THSD4: variants seen among roughly 807,000 people sequenced by gnomAD.
THSD4 encodes the protein thrombospondin type-1 domain-containing protein 4.
In THSD4, 69 loss-of-function variants were observed where a neutral mutation model predicts 119.0. The ratio of observed to expected loss-of-function variants is 0.58; its 90% confidence interval spans 0.48 to 0.71. The LOEUF is 0.71. Among genes scored for constraint, THSD4 ranks in the 30% least tolerant of loss-of-function variants. The probability of loss-of-function intolerance (pLI) is 0.00; values close to 1 mark genes in which losing one functional copy is unlikely to be tolerated. For synonymous variants in THSD4, 524 were observed against 540.4 expected (o/e 0.97, Z 0.42); for missense variants, 1,393 against 1,391.1 (o/e 1.00, Z -0.02).
Position 71,737,962 on chromosome 15 carries a change from T to C in THSD4, c.1861T>C (p.Trp621Arg). The C allele has an allele frequency of 6.2e-7, 1 of 1,613,930 alleles. No homozygotes were observed. The highest frequency in any genetic ancestry group is 8.5e-7 in the Non-Finnish European group (1 of 1,179,876). ...CCCACGGCGCAGCCGGGATCACAAC[T>C]GGAAGCAGCTTGGGACAACAGAATG... ...QPPRRSRDHN[W>R]KQLGTTECST... The change falls in exon 11 of 18, where the codon TGG (tryptophan) becomes CGG (arginine). Residue 621 changes from tryptophan to arginine, a missense_variant. By Grantham distance (101) the Trp-to-Arg change is moderately radical. Coordinates refer to ENST00000261862, the MANE Select transcript of THSD4 (RefSeq NM_024817.3).
intron 7 of THSD4, among the ~76,000 whole-genome samples, chr15:71,487,078 C>T (rs2047833929): frequency 2.6e-5 from 4 of 152,180 alleles, no homozygotes; most frequent in Admixed American, 2.6e-4. Flanking sequence ...AAATCCTAGC[C>T]TTGCAGGGCT....
intron 8 of THSD4, 150 bp downstream of exon 8, chr15:71,660,884 C>A: frequency 1.2e-6 from 1 of 839,436 alleles, no homozygotes; most frequent in Non-Finnish European, 1.8e-6. Context: ...CTGGCCTGCG[C>A]CTTGAAATGA....
At chr15:71,617,563 G>GA (rs2050341263) in intron 7 of THSD4, among the ~76,000 whole-genome samples, 1 of 152,156 alleles carries the variant, frequency 6.6e-6, no homozygotes, top group African/African-American at 2.4e-5. Context: ...CCGAACCCTG[G>GA]AAACCAAATC....
intron 7 of THSD4, among the ~76,000 whole-genome samples, chr15:71,472,932 G>A (rs2047602890): frequency 6.6e-6 from 1 of 152,186 alleles, no homozygotes; most frequent in Non-Finnish European, 1.5e-5. Context: ...TACCTGATTT[G>A]TGCAGGCAGA....
intron 6 of THSD4, among the ~76,000 whole-genome samples, chr15:71,278,122 AAAAC>A (rs1340526297): frequency 3.3e-5 from 5 of 152,254 alleles, no homozygotes; most frequent in Admixed American, 3.3e-4. Flanking sequence ...ATTCAGAAAT[AAAAC>A]AGGGAGAAGT....
intron 6 of THSD4, among the ~76,000 whole-genome samples, chr15:71,269,029 G>A (rs2044498692): frequency 6.6e-6 from 1 of 152,138 alleles, no homozygotes; most frequent in South Asian, 2.1e-4. Context: ...AATTCTACCA[G>A]AGGTACAAAG....
At chr15:71,338,416 C>T (rs527441140) in intron 6 of THSD4, among the ~76,000 whole-genome samples, 34 of 152,116 alleles carry the variant, frequency 2.2e-4, no homozygotes, top group Non-Finnish European at 4.4e-4. Flanking sequence ...GTTCACATTG[C>T]TCCAGTTCAT....
intron 7 of THSD4, among the ~76,000 whole-genome samples, chr15:71,550,476 G>T (rs7180703): frequency 6.6e-6 from 1 of 152,166 alleles, no homozygotes; most frequent in African/African-American, 2.4e-5. Flanking sequence ...TTGCTCTGTC[G>T]CCCAGACTGG....
intron 17 of THSD4, among the ~76,000 whole-genome samples, chr15:71,776,873 T>C (rs2053923298): frequency 6.6e-6 from 1 of 152,180 alleles, no homozygotes; most frequent in Admixed American, 6.5e-5. Context: ...CTTTTATGTT[T>C]AAATGTCACA....
At chr15:71,143,291 A>G (rs1231968012) in intron 2 of THSD4, among the ~76,000 whole-genome samples, 1 of 152,172 alleles carries the variant, frequency 6.6e-6, no homozygotes, top group Non-Finnish European at 1.5e-5. Context: ...CTATAGTTTA[A>G]AAAAGAGTTT....
intron 7 of THSD4, among the ~76,000 whole-genome samples, chr15:71,514,848 T>C (rs2048334746): frequency 6.6e-6 from 1 of 152,206 alleles, no homozygotes; most frequent in African/African-American, 2.4e-5. Flanking sequence ...TTTCTCTCTA[T>C]CAGAGGGTAT....
intron 7 of THSD4, among the ~76,000 whole-genome samples, chr15:71,660,303 C>G (rs1471460095): frequency 6.6e-6 from 1 of 152,166 alleles, no homozygotes; most frequent in East Asian, 1.9e-4. Flanking sequence ...TACATCTTCC[C>G]TAGTCTTTTT....
intron 8 of THSD4, among the ~76,000 whole-genome samples, chr15:71,681,146 C>A (rs190859448): frequency 4.0e-5 from 6 of 151,874 alleles, no homozygotes; most frequent in African/African-American, 1.4e-4. Flanking sequence ...AACCCCTGAC[C>A]TCAAGTGATC....
intron 7 of THSD4, among the ~76,000 whole-genome samples, chr15:71,443,311 G>A (rs929019941): frequency 1.3e-5 from 2 of 152,112 alleles, no homozygotes; most frequent in Admixed American, 1.3e-4. Context: ...GGGTTGCTCT[G>A]GTTGCTCATA....
chr15:71,367,972 C>T (rs2045987848), intron 6 of THSD4, among the ~76,000 whole-genome samples: 1 of 152,188 alleles, frequency 6.6e-6, no homozygotes, highest in Non-Finnish European at 1.5e-5. Context: ...TAATGATCAC[C>T]ATTCTAACTG....
At chr15:71,618,448 T>TA (rs1282539400) in intron 7 of THSD4, among the ~76,000 whole-genome samples, 2 of 152,344 alleles carry the variant, frequency 1.3e-5, no homozygotes, top group Admixed American at 1.3e-4. Flanking sequence ...AAAGTTATGT[T>TA]ACCAATATGC....
At chr15:71,463,278 TC>T (rs767037082) in intron 7 of THSD4, among the ~76,000 whole-genome samples, 38 of 152,296 alleles carry the variant, frequency 2.5e-4, no homozygotes, top group Non-Finnish European at 2.4e-4. Context: ...TGATGAGCAT[TC>T]CGTCTATCTT....
chr15:71,113,186 C>G (rs76357375), upstream of THSD4, among the ~76,000 whole-genome samples: 809 of 152,264 alleles, frequency 5.3e-3, 9 homozygotes, highest in African/African-American at 0.019. Flanking sequence ...AAGACACTCT[C>G]TCAAAATAAA....
chr15:71,382,024 T>C (rs1018578660), intron 6 of THSD4, among the ~76,000 whole-genome samples: 2 of 152,124 alleles, frequency 1.3e-5, no homozygotes, highest in Non-Finnish European at 2.9e-5. Flanking sequence ...TTGGGGAAGT[T>C]TGTCAAAAAT....
Sources: gnomAD v4.1 joint callset for allele counts (sites outside exome capture counted in the v4.1 genomes callset) on GRCh38, gnomAD v4.1.1 for gene constraint, MANE v1.5 for transcripts, NCBI Gene and HGNC (gene_info 2026-07-23, HGNC 2026-07-21) for gene names.